Variants in ROBO2 observed in about 807,000 individuals in gnomAD.
ROBO2 encodes roundabout homolog 2.
In ROBO2, 53 loss-of-function variants were observed where a neutral mutation model predicts 160.8. The observed-to-expected ratio is 0.33, with a 90% CI of 0.26 to 0.41. ROBO2 has a LOEUF of 0.41. Among genes scored for constraint, ROBO2 ranks in the 10% least tolerant of loss-of-function variants. ROBO2 has a pLI of 1.00. For missense variants in ROBO2, 1,577 were observed against 1,722.4 expected (o/e 0.92, Z 1.49); for synonymous variants, 664 against 611.7 (o/e 1.09, Z -1.26).
chr3:76,689,901 C>A (rs2092764965), intron 2 of ROBO2, among the ~76,000 whole-genome samples: 1 of 152,194 alleles, frequency 6.6e-6, no homozygotes. Flanking sequence ...CGTTTCCCAA[C>A]ATGTAACATA....
intron 2 of ROBO2, among the ~76,000 whole-genome samples, chr3:76,433,346 ATATT>A (rs2076525370): frequency 6.6e-6 from 1 of 152,198 alleles, no homozygotes; most frequent in Admixed American, 6.6e-5. Context: ...ACCATAAACA[ATATT>A]TAGTATAAAT....
At chr3:77,288,794 C>A (rs1440948883) in intron 2 of ROBO2, among the ~76,000 whole-genome samples, 1 of 152,122 alleles carries the variant, frequency 6.6e-6, no homozygotes, top group Non-Finnish European at 1.5e-5. Context: ...CATACGGATA[C>A]AAATTGATTA....
intron 2 of ROBO2, among the ~76,000 whole-genome samples, chr3:76,661,294 A>G (rs2091808306): frequency 6.6e-6 from 1 of 152,198 alleles, no homozygotes; most frequent in African/African-American, 2.4e-5. Context: ...TAAAGTAGGA[A>G]AATACAAGAA....
At chr3:76,943,904 C>T (rs900968535) in intron 2 of ROBO2, among the ~76,000 whole-genome samples, 2 of 152,074 alleles carry the variant, frequency 1.3e-5, no homozygotes, top group African/African-American at 2.4e-5. Context: ...GAGGAGGAAA[C>T]GGAAGCTATG....
chr3:77,520,427 T>C (rs1582664728), intron 5 of ROBO2, among the ~76,000 whole-genome samples: 1 of 151,296 alleles, frequency 6.6e-6, no homozygotes, highest in Non-Finnish European at 1.5e-5. Context: ...GTTTTGCAGA[T>C]ACTATGAACA....
intron 2 of ROBO2, among the ~76,000 whole-genome samples, chr3:77,406,603 A>C (rs1183140703): frequency 6.6e-6 from 1 of 152,150 alleles, no homozygotes; most frequent in Non-Finnish European, 1.5e-5. Flanking sequence ...TTGGATGCTA[A>C]GCCTAATTCT....
intron 2 of ROBO2, among the ~76,000 whole-genome samples, chr3:76,644,100 A>G (rs1474921270): frequency 6.6e-6 from 1 of 152,196 alleles, no homozygotes; most frequent in Non-Finnish European, 1.5e-5. Context: ...GGCTAACAAC[A>G]CATTTCCTCT....
At chr3:76,366,859 T>TTA (rs1281834588) in intron 2 of ROBO2, among the ~76,000 whole-genome samples, 1 of 151,964 alleles carries the variant, frequency 6.6e-6, no homozygotes, top group Admixed American at 6.6e-5. Flanking sequence ...CAAGATTGCT[T>TTA]TATATAGCAT....
intron 2 of ROBO2, among the ~76,000 whole-genome samples, chr3:76,318,795 G>A (rs945038716): frequency 2.5e-4 from 38 of 151,864 alleles, no homozygotes; most frequent in African/African-American, 8.7e-4. Context: ...AAAAAATGGG[G>A]AAAAAATATA....
At chr3:76,746,868 A>G (rs558078218) in intron 2 of ROBO2, among the ~76,000 whole-genome samples, 1 of 151,878 alleles carries the variant, frequency 6.6e-6, no homozygotes. Context: ...ATATGATCTT[A>G]TTGTGTTCCC....
intron 2 of ROBO2, among the ~76,000 whole-genome samples, chr3:76,986,067 A>G (rs1472286263): frequency 6.6e-6 from 1 of 152,180 alleles, no homozygotes; most frequent in Admixed American, 6.5e-5. Context: ...AAGCAGATTT[A>G]TATTTTTGAA....
In ROBO2 at chr3:77,294,432, C is replaced by T. The variant is rs1373863523; in HGVS notation, c.389-182982C>T. ...ATTAATGGTAAAACGGGAAGTTGAGCCTAGATCCCTAAAGACATAAAGTAA... is the reference window on the plus strand; with the variant it reads ...ATTAATGGTAAAACGGGAAGTTGAGTCTAGATCCCTAAAGACATAAAGTAA... On this transcript the variant is annotated intron_variant, in intron 2 of 25. Coordinates refer to ENST00000461745, the Ensembl canonical transcript of ROBO2. Among the ~76,000 whole-genome samples, 3 of 96,986 alleles carry T rather than the reference C, an allele frequency of 3.1e-5. 1 individual carries two copies. The highest frequency in any genetic ancestry group is 5.9e-5 in the Non-Finnish European group (3 of 50,516). 63.6% of individuals were successfully genotyped at this position (96,986 alleles called of 152,430 possible). A position where few individuals can be genotyped will look rare whatever the true frequency, so the allele number is the denominator to read the frequency against.
At chr3:76,555,924 C>CA (rs2083761427) in intron 2 of ROBO2, among the ~76,000 whole-genome samples, 1 of 151,732 alleles carries the variant, frequency 6.6e-6, no homozygotes, top group African/African-American at 2.4e-5. Flanking sequence ...CTACTGAAAA[C>CA]AAAAAATACA....
chr3:77,368,279 A>G (rs750534724), intron 2 of ROBO2, among the ~76,000 whole-genome samples: 4 of 152,152 alleles, frequency 2.6e-5, no homozygotes, highest in Admixed American at 6.6e-5. Context: ...TTAATAAAGA[A>G]AACCGAAGCT....
chr3:76,965,650 C>A (rs1445837911), intron 2 of ROBO2, among the ~76,000 whole-genome samples: 1 of 147,276 alleles, frequency 6.8e-6, no homozygotes, highest in East Asian at 2.0e-4. Context: ...TCTTCTAGTT[C>A]TCATATATCT....
intron 2 of ROBO2, among the ~76,000 whole-genome samples, chr3:76,229,967 T>G (rs546080908): frequency 1.3e-5 from 2 of 152,250 alleles, no homozygotes; most frequent in South Asian, 4.1e-4. Context: ...TCTCAGGGGC[T>G]CCAGCCTAAA....
At chr3:76,169,326 A>T (rs999295217) in intron 2 of ROBO2, among the ~76,000 whole-genome samples, 1 of 152,188 alleles carries the variant, frequency 6.6e-6, no homozygotes, top group African/African-American at 2.4e-5. Flanking sequence ...AAATTGGCAG[A>T]TGAATTTCCA....
chr3:76,342,252 CT>C, intron 2 of ROBO2, among the ~76,000 whole-genome samples: 1 of 152,264 alleles, frequency 6.6e-6, no homozygotes, highest in South Asian at 2.1e-4. Flanking sequence ...TTTTACCCAT[CT>C]TGCAAACTAA....
chr3:77,196,325 C>CTTT (rs57448784), intron 2 of ROBO2, among the ~76,000 whole-genome samples: 78 of 141,746 alleles, frequency 5.5e-4, no homozygotes, highest in East Asian at 4.4e-3. Context: ...AAATACCCTG[C>CTTT]TTTTTTTTTT....
Sources: gnomAD v4.1 joint callset for allele counts (sites outside exome capture counted in the v4.1 genomes callset) on GRCh38, gnomAD v4.1.1 for gene constraint, MANE v1.5 for transcripts, NCBI Gene and HGNC (gene_info 2026-07-23, HGNC 2026-07-21) for gene names.